Variants in SORCS2 observed in about 807,000 individuals in gnomAD.
The protein encoded by SORCS2 is sortilin related VPS10 domain containing receptor 2.
In SORCS2, 100 loss-of-function variants were observed where a neutral mutation model predicts 141.6. The observed-to-expected ratio is 0.71, with a 90% CI of 0.60 to 0.83. The LOEUF is 0.83. Among genes scored for constraint, SORCS2 ranks in the 40% least tolerant of loss-of-function variants. The pLI, the probability that SORCS2 is intolerant of heterozygous loss-of-function variation, is 0.00. For synonymous variants in SORCS2, 789 were observed against 676.9 expected (o/e 1.17, Z -2.57); for missense variants, 1,646 against 1,560.2 (o/e 1.05, Z -0.93).
intron 4 of SORCS2, among the ~76,000 whole-genome samples, chr4:7,644,372 C>T (rs1720925777): frequency 6.6e-6 from 1 of 152,200 alleles, no homozygotes; most frequent in Non-Finnish European, 1.5e-5. Context: ...TCTCCACCCT[C>T]CAGAGGTGGA....
At chr4:7,371,433 T>A (rs1406859608) in intron 1 of SORCS2, among the ~76,000 whole-genome samples, 1 of 152,220 alleles carries the variant, frequency 6.6e-6, no homozygotes, top group Non-Finnish European at 1.5e-5. Flanking sequence ...ATAAATTCAT[T>A]ATTTCATACT....
At chr4:7,348,438 C>T (rs1012210718) in intron 1 of SORCS2, among the ~76,000 whole-genome samples, 5 of 152,304 alleles carry the variant, frequency 3.3e-5, no homozygotes, top group African/African-American at 9.6e-5. Context: ...CCCACAATGG[C>T]CCCACTACTG....
chr4:7,295,772 C>T (rs1419863293), intron 1 of SORCS2, among the ~76,000 whole-genome samples: 1 of 152,234 alleles, frequency 6.6e-6, no homozygotes, highest in East Asian at 1.9e-4. Flanking sequence ...GGTGTGGCCT[C>T]CTGGGATGGA....
chr4:7,349,280 C>T (rs1416263898), intron 1 of SORCS2, among the ~76,000 whole-genome samples: 1 of 152,200 alleles, frequency 6.6e-6, no homozygotes, highest in South Asian at 2.1e-4. Context: ...GGCCCCTCTG[C>T]CCCAGTGATG....
At chr4:7,721,022 C>T (rs1726552011) in intron 18 of SORCS2, among the ~76,000 whole-genome samples, 1 of 152,234 alleles carries the variant, frequency 6.6e-6, no homozygotes, top group Non-Finnish European at 1.5e-5. Context: ...TCTGTTCACA[C>T]AAAAACCTGT....
intron 1 of SORCS2, among the ~76,000 whole-genome samples, chr4:7,212,311 C>T (rs141676286): frequency 1.1e-3 from 162 of 152,318 alleles, no homozygotes; most frequent in African/African-American, 3.7e-3. Flanking sequence ...GCGGGGAACA[C>T]GTTCCTGTTT....
At chr4:7,350,093 G>A (rs1045578628) in intron 1 of SORCS2, among the ~76,000 whole-genome samples, 1 of 151,962 alleles carries the variant, frequency 6.6e-6, no homozygotes, top group Non-Finnish European at 1.5e-5. Flanking sequence ...GGCGAAAAGG[G>A]TATTTTCATG....
At chr4:7,492,818 G>A (rs1428828609) in intron 2 of SORCS2, among the ~76,000 whole-genome samples, 5 of 152,186 alleles carry the variant, frequency 3.3e-5, no homozygotes, top group Non-Finnish European at 5.9e-5. Flanking sequence ...CAGCACCAGG[G>A]AGGAAGAAGG....
At chr4:7,234,664 C>T (rs1220059230) in intron 1 of SORCS2, among the ~76,000 whole-genome samples, 1 of 152,234 alleles carries the variant, frequency 6.6e-6, no homozygotes, top group African/African-American at 2.4e-5. Flanking sequence ...TAGGATCTGT[C>T]TCCTTGGCCA....
chr4:7,456,208 T>G (rs2109310384), intron 2 of SORCS2, among the ~76,000 whole-genome samples: 1 of 152,308 alleles, frequency 6.6e-6, no homozygotes, highest in East Asian at 1.9e-4. Flanking sequence ...AATGTCCTAG[T>G]TCCAATGACA....
chr4:7,490,252 G>A (rs1731237803), intron 2 of SORCS2, among the ~76,000 whole-genome samples: 1 of 152,190 alleles, frequency 6.6e-6, no homozygotes, highest in Admixed American at 6.5e-5. Flanking sequence ...TTGTGGAAAA[G>A]ACCATCTCCC....
chr4:7,509,634 G>A (rs1732491211), intron 2 of SORCS2, among the ~76,000 whole-genome samples: 1 of 152,256 alleles, frequency 6.6e-6, no homozygotes, highest in Admixed American at 6.5e-5. Flanking sequence ...CCACCAGGAA[G>A]AAGGGGCCTT....
In SORCS2 at chr4:7,673,216, C is replaced by T. The variant is rs191811828; in HGVS notation, c.1162-2834C>T. On this transcript the variant is annotated intron_variant, in intron 8 of 26. Transcript: ENST00000507866. ...ACGAAATACGTGCCCTCTACTACTG[C>T]TGGTGGGGGAGATACTAATGTAAAT... is the stretch of plus-strand genomic sequence containing the variant. Among the ~76,000 whole-genome samples the T allele has an allele frequency of 5.9e-5, 9 of 152,338 alleles. No homozygotes were observed. In the East Asian group the frequency reaches 1.7e-3, roughly 29 times the overall value.
At chr4:7,298,540 G>C (rs1717225107) in intron 1 of SORCS2, among the ~76,000 whole-genome samples, 1 of 152,184 alleles carries the variant, frequency 6.6e-6, no homozygotes, top group South Asian at 2.1e-4. Flanking sequence ...TTCAGAGCAG[G>C]CTTCTTTGTG....
At chr4:7,368,439 T>C (rs1342879276) in intron 1 of SORCS2, among the ~76,000 whole-genome samples, 1 of 152,220 alleles carries the variant, frequency 6.6e-6, no homozygotes, top group Non-Finnish European at 1.5e-5. Context: ...TGCCCGGACC[T>C]GCTGCCTGCC....
At chr4:7,443,065 A>C (rs1205830920) in intron 2 of SORCS2, among the ~76,000 whole-genome samples, 1 of 152,236 alleles carries the variant, frequency 6.6e-6, no homozygotes, top group Non-Finnish European at 1.5e-5. Flanking sequence ...TCCTATGAGA[A>C]TACCAGTCAT....
At position 7,664,044 on chromosome 4, in the gene SORCS2, G is replaced by C. The variant is rs527863607; in HGVS notation, c.953-309G>C. On this transcript the variant is annotated intron_variant, in intron 6 of 26. Coordinates refer to ENST00000507866, the MANE Select transcript of SORCS2 (RefSeq NM_020777.3). This position sits in a 1 kb window ranked among gnomAD's most constrained non-coding sequence, Gnocchi z 4.7. ...GAGACTTCAGGAGGGTATGGGGGCC[G>C]TGCATGTCTGGGTGTGGCGAGGTAC... Among the ~76,000 whole-genome samples the C allele has an allele frequency of 6.6e-6, 1 of 152,184 alleles. No individual in the cohort carries two copies. The highest frequency in any genetic ancestry group is 2.4e-5 in the African/African-American group (1 of 41,442).
At chr4:7,481,717 A>G (rs1730646530) in intron 2 of SORCS2, among the ~76,000 whole-genome samples, 1 of 152,010 alleles carries the variant, frequency 6.6e-6, no homozygotes, top group Non-Finnish European at 1.5e-5. Flanking sequence ...GGCACTACTG[A>G]GAAACTGACA....
intron 7 of SORCS2, 94 bp from the exon 8 acceptor site, chr4:7,667,030 C>T (rs1722545832): frequency 8.9e-7 from 1 of 1,126,276 alleles, no homozygotes; most frequent in African/African-American, 1.5e-5. Flanking sequence ...AGGGCATTTT[C>T]ACTTGCTGAA....
Sources: allele counts gnomAD v4.1 joint callset (sites outside exome capture counted in the v4.1 genomes callset), GRCh38; gene constraint gnomAD v4.1.1; non-coding constraint Gnocchi (gnomAD v3.1); transcripts MANE v1.5; gene names NCBI Gene and HGNC (gene_info 2026-07-23, HGNC 2026-07-21).